RORA: variants seen among roughly 807,000 people sequenced by gnomAD.
RORA encodes RAR related orphan receptor A.
Under a neutral mutation model 69.5 loss-of-function variants are expected in RORA, and 7 were observed. That is an observed-to-expected ratio of 0.10 (90% CI 0.06 to 0.19). RORA has a LOEUF of 0.19. Ranked by LOEUF, RORA falls within the 10% of genes least tolerant of loss-of-function variation. The probability of loss-of-function intolerance (pLI) is 1.00; values close to 1 mark genes in which losing one functional copy is unlikely to be tolerated. For missense variants in RORA, 457 were observed against 663.0 expected (o/e 0.69, Z 3.41); for synonymous variants, 261 against 240.8 (o/e 1.08, Z -0.78).
chr15:61,053,535 A>G (rs2247306), intron 1 of RORA, among the ~76,000 whole-genome samples: 67,740 of 151,370 alleles, frequency 0.45, 15,623 homozygotes, highest in Non-Finnish European at 0.5. Context: ...ACAAATGGGC[A>G]GATGCCAGGA....
chr15:60,643,296 T>A (rs756794959), intron 2 of RORA, among the ~76,000 whole-genome samples: 3 of 152,198 alleles, frequency 2.0e-5, no homozygotes, highest in Non-Finnish European at 4.4e-5. Context: ...TGGAATATGA[T>A]AAGTCTGCTA....
At chr15:61,168,211 TGC>T (rs111565360) in intron 1 of RORA, among the ~76,000 whole-genome samples, 87 of 146,258 alleles carry the variant, frequency 5.9e-4, no homozygotes, top group African/African-American at 2.3e-3. Flanking sequence ...CGCGCGTGCG[TGC>T]GTGCGTGTGT....
rs1217785360 is a variant in RORA, at chr15:60,542,703, G to T, written c.197-10852C>A. 4.5e-4 allele frequency among the ~76,000 whole-genome samples: 59 copies of T among 131,308 alleles called. 3 individuals are homozygous for T. Among genetic ancestry groups the T allele is most frequent in the African/African-American group, 1.9e-3 (57 of 29,396 alleles). 86.1% of individuals were successfully genotyped at this position (131,308 alleles called of 152,430 possible). A position where few individuals can be genotyped will look rare whatever the true frequency, so the allele number is the denominator to read the frequency against. On this transcript the variant is annotated intron_variant, in intron 2 of 10. Coordinates refer to ENST00000335670, the MANE Select transcript of RORA (RefSeq NM_134261.3). The stretch of plus-strand genomic sequence containing the variant: ...GCACACCTCCCACACACGGCACACG[G>T]GCACACCTCCCACACACGGCACACA...
chr15:60,559,931 T>C (rs1197032108), intron 2 of RORA, among the ~76,000 whole-genome samples: 3 of 152,356 alleles, frequency 2.0e-5, no homozygotes, highest in South Asian at 2.1e-4. Context: ...TTGACTGTTT[T>C]ATTCTTGACT....
intron 1 of RORA, among the ~76,000 whole-genome samples, chr15:61,001,915 G>A (rs1221469730): frequency 2.6e-5 from 4 of 152,180 alleles, no homozygotes; most frequent in African/African-American, 4.8e-5. Flanking sequence ...GGCAAGAGTC[G>A]GCTGAGGTGG....
intron 2 of RORA, among the ~76,000 whole-genome samples, chr15:60,584,082 C>T (rs1219648914): frequency 3.9e-5 from 6 of 152,318 alleles, no homozygotes; most frequent in African/African-American, 7.2e-5. Context: ...GAGGACTCTG[C>T]GGTCCACCTG....
At chr15:60,749,091 G>A (rs1236324521) in intron 1 of RORA, among the ~76,000 whole-genome samples, 1 of 152,210 alleles carries the variant, frequency 6.6e-6, no homozygotes, top group African/African-American at 2.4e-5. Flanking sequence ...TGTAGTTTAT[G>A]AGCAGTGGTC....
At chr15:61,092,529 G>A (rs997590497) in intron 1 of RORA, among the ~76,000 whole-genome samples, 3 of 152,118 alleles carry the variant, frequency 2.0e-5, no homozygotes, top group Non-Finnish European at 4.4e-5. Flanking sequence ...CAAAGAATAT[G>A]CCCCATAACA....
chr15:61,118,582 G>T (rs1418758145), intron 1 of RORA, among the ~76,000 whole-genome samples: 1 of 152,120 alleles, frequency 6.6e-6, no homozygotes, highest in African/African-American at 2.4e-5. Flanking sequence ...TAGGCACGGG[G>T]CCCCGAGAGT....
chr15:60,591,822 A>G (rs1321966506), intron 2 of RORA, among the ~76,000 whole-genome samples: 1 of 151,816 alleles, frequency 6.6e-6, no homozygotes, highest in African/African-American at 2.4e-5. Flanking sequence ...CACAGCGCGG[A>G]CCTGCGGCAC....
At chr15:60,828,913 G>C (rs2073001698) in intron 1 of RORA, among the ~76,000 whole-genome samples, 1 of 152,092 alleles carries the variant, frequency 6.6e-6, no homozygotes, top group Non-Finnish European at 1.5e-5. Context: ...CTTTCATCTT[G>C]CAATATCCAA....
At chr15:60,729,817 T>G (rs564740626) in intron 1 of RORA, among the ~76,000 whole-genome samples, 55 of 152,328 alleles carry the variant, frequency 3.6e-4, no homozygotes, top group Admixed American at 9.8e-4. Flanking sequence ...AACTTATACT[T>G]TATGTAGTCA....
At chr15:60,555,574 TTC>T (rs1210784699) in intron 2 of RORA, among the ~76,000 whole-genome samples, 1 of 152,080 alleles carries the variant, frequency 6.6e-6, no homozygotes, top group Admixed American at 6.5e-5. Context: ...AATGTTAAAA[TTC>T]TGTTTGGTAC....
At chr15:61,198,283 C>T (rs1596066038) in intron 1 of RORA, among the ~76,000 whole-genome samples, 1 of 152,166 alleles carries the variant, frequency 6.6e-6, no homozygotes. Flanking sequence ...GGGTCTGGCT[C>T]GTGTAAAATA....
intron 8 of RORA, 39 bp from the exon 9 acceptor site, chr15:60,501,108 T>A: frequency 7.9e-7 from 1 of 1,261,454 alleles, no homozygotes; most frequent in Non-Finnish European, 1.1e-6. Flanking sequence ...GAATTTTGAT[T>A]ATTGTCTTAG....
At chr15:61,144,712 C>T (rs2079329876) in intron 1 of RORA, among the ~76,000 whole-genome samples, 1 of 152,148 alleles carries the variant, frequency 6.6e-6, no homozygotes, top group African/African-American at 2.4e-5. Flanking sequence ...ACTCTAGGAT[C>T]TCTTGGAGGA....
At chr15:61,135,711 A>G (rs1357928972) in intron 1 of RORA, among the ~76,000 whole-genome samples, 1 of 152,150 alleles carries the variant, frequency 6.6e-6, no homozygotes, top group Non-Finnish European at 1.5e-5. Flanking sequence ...CAGGACTGCT[A>G]GAAGCAGGGG....
At chr15:60,661,646 T>C (rs2070306488) in intron 2 of RORA, among the ~76,000 whole-genome samples, 1 of 152,214 alleles carries the variant, frequency 6.6e-6, no homozygotes, top group Non-Finnish European at 1.5e-5. Context: ...ACTATCAACC[T>C]GAAAGGGCCC....
At chr15:60,663,343 A>G (rs1038058662) in intron 2 of RORA, among the ~76,000 whole-genome samples, 5 of 152,342 alleles carry the variant, frequency 3.3e-5, no homozygotes, top group African/African-American at 1.2e-4. Context: ...ACTTTCTTCA[A>G]TGTGAGATAG....
Sources: allele counts gnomAD v4.1 joint callset (sites outside exome capture counted in the v4.1 genomes callset), GRCh38; gene constraint gnomAD v4.1.1; transcripts MANE v1.5; gene names NCBI Gene and HGNC (gene_info 2026-07-23, HGNC 2026-07-21).